SLIT3: variants seen among roughly 807,000 people sequenced by gnomAD.
The protein encoded by SLIT3 is slit guidance ligand 3, also known as slit homolog 3 protein.
In SLIT3, 68 loss-of-function variants were observed where a neutral mutation model predicts 184.0. The observed-to-expected ratio is 0.37, with a 90% CI of 0.30 to 0.45. SLIT3 has a LOEUF of 0.45. Ranked by LOEUF, SLIT3 falls within the 20% of genes least tolerant of loss-of-function variation. The probability of loss-of-function intolerance (pLI) is 1.00; values close to 1 mark genes in which losing one functional copy is unlikely to be tolerated. For missense variants in SLIT3, 1,707 were observed against 2,026.0 expected, an observed-to-expected ratio of 0.84 and a Z score of 3.02; for synonymous variants, 831 against 828.6, an observed-to-expected ratio of 1.00 and a Z score of -0.05.
intron 1 of SLIT3, among the ~76,000 whole-genome samples, chr5:169,252,500 C>T (rs535978249): frequency 6.6e-6 from 1 of 152,304 alleles, no homozygotes; most frequent in East Asian, 1.9e-4. Flanking sequence ...CATGAATATT[C>T]CGTGTTCACT....
chr5:168,875,434 C>T (rs973512591), intron 5 of SLIT3, among the ~76,000 whole-genome samples: 2 of 152,016 alleles, frequency 1.3e-5, no homozygotes, highest in Non-Finnish European at 2.9e-5. Context: ...GAGTCCGAGA[C>T]TAGGCTGGTC....
At chr5:168,816,201 A>C (rs1331489860) in intron 8 of SLIT3, among the ~76,000 whole-genome samples, 1 of 152,000 alleles carries the variant, frequency 6.6e-6, no homozygotes, top group Non-Finnish European at 1.5e-5. Context: ...TATTTTTTTA[A>C]TTTTTGAGAC....
chr5:168,940,325 C>G (rs1404561547), intron 4 of SLIT3, among the ~76,000 whole-genome samples: 1 of 152,156 alleles, frequency 6.6e-6, no homozygotes, highest in African/African-American at 2.4e-5. Context: ...GTCACTAGTT[C>G]TTTGTGCAGT....
chr5:168,674,816 A>G (rs1477541853), intron 32 of SLIT3, among the ~76,000 whole-genome samples: 3 of 152,014 alleles, frequency 2.0e-5, no homozygotes, highest in African/African-American at 7.3e-5. Context: ...CAGTGTGCAC[A>G]TCCTACTTGC....
intron 4 of SLIT3, among the ~76,000 whole-genome samples, chr5:169,173,176 G>A (rs778955163): frequency 3.9e-5 from 6 of 152,282 alleles, no homozygotes; most frequent in South Asian, 2.1e-4. Flanking sequence ...CAGGATAATC[G>A]CTTGAACCCG....
intron 23 of SLIT3, among the ~76,000 whole-genome samples, chr5:168,719,458 T>C (rs1011391235): frequency 1.3e-5 from 2 of 152,240 alleles, no homozygotes; most frequent in African/African-American, 2.4e-5. Context: ...TCTTCATAGG[T>C]ATAAATGTTT....
intron 19 of SLIT3, 54 bp from the exon 20 acceptor site, chr5:168,748,488 G>A: frequency 8.1e-6 from 12 of 1,480,528 alleles, no homozygotes; most frequent in Non-Finnish European, 9.7e-6. Flanking sequence ...CCCACTAGGG[G>A]GAGCCAGTGA....
intron 7 of SLIT3, among the ~76,000 whole-genome samples, chr5:168,821,132 C>T (rs914851423): frequency 6.6e-6 from 1 of 152,086 alleles, no homozygotes; most frequent in East Asian, 1.9e-4. Context: ...GATGAATGTT[C>T]GGGATGGCAG....
At chr5:168,943,129 C>T (rs939718089) in intron 4 of SLIT3, among the ~76,000 whole-genome samples, 1 of 152,030 alleles carries the variant, frequency 6.6e-6, no homozygotes, top group Non-Finnish European at 1.5e-5. Flanking sequence ...TATCCATGTC[C>T]CAGGATCCTA....
intron 4 of SLIT3, among the ~76,000 whole-genome samples, chr5:169,072,638 T>C (rs1758594049): frequency 6.6e-6 from 1 of 152,276 alleles, no homozygotes; most frequent in African/African-American, 2.4e-5. Context: ...TAGCCACCCA[T>C]GGAGGAGGTT....
chr5:168,742,287 C>G (rs1763659716), intron 20 of SLIT3, among the ~76,000 whole-genome samples: 1 of 151,162 alleles, frequency 6.6e-6, no homozygotes, highest in Admixed American at 6.6e-5. Context: ...CTACCTGCTT[C>G]CCCATCGCAG....
chr5:169,047,087 C>A (rs923311098), intron 4 of SLIT3, among the ~76,000 whole-genome samples: 5 of 152,102 alleles, frequency 3.3e-5, no homozygotes, highest in African/African-American at 9.7e-5. Context: ...CCTAAAAAAA[C>A]CCCACAACAA....
rs1284103763 is a variant in SLIT3, at chr5:169,074,882, C to T, written c.413+118597G>A. ...CTGTGGCTCCAGAGCCACCTGAGGG[C>T]TTTGGAGCCTTAGGACAAGCTAACT... On this transcript the variant is annotated intron_variant, in intron 4 of 35. Coordinates refer to ENST00000519560, the MANE Select transcript of SLIT3 (RefSeq NM_003062.4). 3.3e-5 allele frequency among the ~76,000 whole-genome samples: 5 copies of T among 152,124 alleles called. No individual in the cohort carries two copies. In the East Asian group the frequency reaches 9.7e-4, roughly 29 times the overall value.
At chr5:168,976,130 C>T (rs1754748397) in intron 4 of SLIT3, among the ~76,000 whole-genome samples, 1 of 152,200 alleles carries the variant, frequency 6.6e-6, no homozygotes, top group African/African-American at 2.4e-5. Flanking sequence ...ACTCAGCCCT[C>T]AAGCACTCTT....
chr5:169,109,564 G>A (rs2113254549), intron 4 of SLIT3, among the ~76,000 whole-genome samples: 1 of 152,332 alleles, frequency 6.6e-6, no homozygotes, highest in Admixed American at 6.5e-5. Context: ...TAAGCTGGTA[G>A]CAACTTATTA....
chr5:168,766,191 T>A (rs1755339690), intron 14 of SLIT3, among the ~76,000 whole-genome samples: 1 of 152,176 alleles, frequency 6.6e-6, no homozygotes, highest in South Asian at 2.1e-4. Flanking sequence ...AGTCATAAAT[T>A]CATTGTTATC....
At chr5:168,694,967 G>GA (rs1207835112) in intron 28 of SLIT3, among the ~76,000 whole-genome samples, 3 of 152,160 alleles carry the variant, frequency 2.0e-5, no homozygotes, top group African/African-American at 7.2e-5. Context: ...GCTTGTCTGG[G>GA]GTCCTAGGAA....
chr5:168,951,655 A>T (rs533796428), intron 4 of SLIT3, among the ~76,000 whole-genome samples: 65 of 152,328 alleles, frequency 4.3e-4, no homozygotes, highest in Non-Finnish European at 6.6e-4. Flanking sequence ...TTTTGACAAT[A>T]GGAAGGAGTT....
At chr5:169,037,488 C>T (rs1016803802) in intron 4 of SLIT3, among the ~76,000 whole-genome samples, 13 of 152,206 alleles carry the variant, frequency 8.5e-5, no homozygotes, top group Admixed American at 5.9e-4. Context: ...AAATAATACA[C>T]CCTTTCCCTC....
Sources: gnomAD v4.1 joint callset for allele counts (sites outside exome capture counted in the v4.1 genomes callset) on GRCh38, gnomAD v4.1.1 for gene constraint, MANE v1.5 for transcripts, NCBI Gene and HGNC (gene_info 2026-07-23, HGNC 2026-07-21) for gene names.